The following CDH24 variants were observed in gnomAD, a reference collection of about 807,000 sequenced individuals.
The protein encoded by CDH24 is cadherin-24.
CDH24 carries 61 observed loss-of-function variants against 71.2 expected under a neutral mutation model. The observed-to-expected ratio is 0.86, with a 90% CI of 0.70 to 1.06. The LOEUF is 1.06. Among genes scored for constraint, CDH24 ranks in the 50% least tolerant of loss-of-function variants. CDH24 has a pLI of 0.00. For missense variants in CDH24, 961 were observed against 1,083.7 expected (o/e 0.89, Z 1.59); for synonymous variants, 440 against 470.2 (o/e 0.94, Z 0.83).
rs754880907 is a variant in CDH24, at chr14:23,049,165, C to G, written c.1708G>C (p.Ala570Pro). Residue 570 changes from alanine to proline, a missense_variant, in exon 11 of 13, where the codon GCC (alanine) becomes CCC (proline). Physicochemically the swap from Ala to Pro is conservative, Grantham distance 27. Transcript: ENST00000487137. ...CGGCACACACTAACAGTCACTGTGG[C>G]AGTGCTGCTCAGCGCCGGCTGCCCC... ...DWGQPALSST[A>P]TVTVSVCRCQ... 1 of 1,585,436 alleles carries G rather than the reference C, an allele frequency of 6.3e-7. No individual in the cohort carries two copies. The highest frequency in any genetic ancestry group is 8.6e-7 in the Non-Finnish European group (1 of 1,165,732).
Position 23,054,467 on chromosome 14 carries a change from G to A in CDH24, c.784+39C>T, listed in dbSNP as rs777254898. 1 of 1,595,962 alleles carries A rather than the reference G, an allele frequency of 6.3e-7. No homozygotes were observed. Among genetic ancestry groups the A allele is most frequent in the Non-Finnish European group, 8.6e-7 (1 of 1,169,230 alleles). ...TCTCCAGACACTGTAGGGGTGGGGTGATCAAAGGATGGCTCAGGTGGCAGC... is the reference window on the plus strand; with the variant it reads ...TCTCCAGACACTGTAGGGGTGGGGTAATCAAAGGATGGCTCAGGTGGCAGC... On this transcript the variant is annotated intron_variant, in intron 5 of 12. Coordinates refer to ENST00000487137, the MANE Select transcript of CDH24 (RefSeq NM_144985.4). This position sits in a 1 kb window ranked among gnomAD's most constrained non-coding sequence, Gnocchi z 5.2.
In CDH24 at chr14:23,054,618, C is replaced by G. The variant is rs1437296092; in HGVS notation, c.672G>C (p.Leu224Phe). ...CCATGTCCTTGGCCTGGATCACCAC[C>G]AAGAACTCCTCCTGTGTCTCCCGGT... is the stretch of plus-strand genomic sequence containing the variant. ...NMDRETQEEFLVVIQAKDMGG... is the reference protein window; with the variant it reads ...NMDRETQEEFFVVIQAKDMGG... The change falls in exon 5 of 13, where the codon TTG (leucine) becomes TTC (phenylalanine). Residue 224 changes from leucine (L) to phenylalanine (F), a missense_variant. Transcript: ENST00000487137. The surrounding 1 kb of genome is among the most constrained non-coding windows in gnomAD (Gnocchi z 5.2). 3 of 1,614,010 alleles carry G rather than the reference C, an allele frequency of 1.9e-6. No individual in the cohort carries two copies. The highest frequency in any genetic ancestry group is 2.2e-5 in the East Asian group (1 of 44,894).
rs1594725812 is a variant in CDH24, at chr14:23,053,478, A to C, written c.1226+18T>G. 1 of 1,546,986 alleles carries C rather than the reference A, an allele frequency of 6.5e-7. No homozygotes were observed. Among genetic ancestry groups the C allele is most frequent in the Non-Finnish European group, 8.8e-7 (1 of 1,139,784 alleles). On this transcript the variant is annotated intron_variant, in intron 7 of 12. Transcript: ENST00000487137. ...AGCCTGCCATCTGGCTCCCCAGCCC[A>C]CATCCCAGCTCACCTACCTGATTGG...
intron 8 of CDH24, 182 bp from the exon 9 acceptor site, chr14:23,050,125 G>A: frequency 1.3e-6 from 1 of 781,028 alleles, no homozygotes; most frequent in Non-Finnish European, 2.0e-6. Flanking sequence ...AATACCAAGT[G>A]CATACAATAT....
Position 23,052,548 on chromosome 14 carries a change from T to TATCCA in CDH24, c.1287_1288insTGGAT (p.Thr430TrpfsTer69). 1 of 1,613,986 alleles carries TATCCA rather than the reference T, an allele frequency of 6.2e-7. No individual in the cohort carries two copies. On this transcript the variant is annotated frameshift_variant, in exon 8 of 13. Coordinates refer to ENST00000487137, the MANE Select transcript of CDH24 (RefSeq NM_144985.4). LOFTEE classifies it high-confidence loss of function. ...TCCAGGGGTGCTGCTGTATGGATGG[T>TATCCA]GCCTTCCTCGGGCTGGATAGAGAAG...
chr14:23,048,170 A>G lies in CDH24; in HGVS notation c.2156T>C (p.Val719Ala), dbSNP rs1486244454. Residue 719 changes from valine to alanine, a missense_variant, in exon 12 of 13, where the codon GTA (valine) becomes GCA (alanine). Physicochemically the swap from Val to Ala is moderately conservative, Grantham distance 64. Around this residue, in one of 2 missense-constraint regions of CDH24, gnomAD observed 290 missense variants for 272.8 expected, o/e 1.06. Transcript: ENST00000487137. ...RLREADEDPGVPPYDSVQVYG... is the reference protein window; with the variant it reads ...RLREADEDPGAPPYDSVQVYG... ...CACCTGCACCGAGTCGTACGGGGGT[A>G]CGCCGGGGTCCTCGTCCGCCTCGCG... 2 of 1,353,050 alleles carry G rather than the reference A, an allele frequency of 1.5e-6. No individual in the cohort carries two copies. The highest frequency in any genetic ancestry group is 1.7e-5 in the South Asian group (1 of 58,570). The allele number at this position is 1,353,050 out of a possible 1,614,324, so 83.8% of individuals were successfully genotyped here. A position where few individuals can be genotyped will look rare whatever the true frequency, so the allele number is the denominator to read the frequency against.
At chr14:23,048,934 A>T in intron 11 of CDH24, 93 bp downstream of exon 11, 1 of 1,451,562 alleles carries the variant, frequency 6.9e-7, no homozygotes, top group Non-Finnish European at 9.4e-7. Context: ...TTCAAGCCCT[A>T]AGGTGGATTT....
In CDH24 at chr14:23,054,595, A is replaced by G. The variant is rs531645564; in HGVS notation, c.695T>C (p.Met232Thr). The part of the protein sequence containing the change: ...EFLVVIQAKD[M>T]GGHMGGLSGS... ...TGACAGCCCCCCCATGTGGCCGCCC[A>G]TGTCCTTGGCCTGGATCACCACCAA... The change falls in exon 5 of 13, where the codon ATG becomes ACG. Residue 232 changes from methionine (M) to threonine (T), a missense_variant. By Grantham distance (81) the Met-to-Thr change is moderately conservative. Around this residue, in one of 2 missense-constraint regions of CDH24, gnomAD observed 671 missense variants for 810.9 expected, o/e 0.83. Transcript: ENST00000487137. The surrounding 1 kb of genome is among the most constrained non-coding windows in gnomAD (Gnocchi z 5.2). 1.2e-6 allele frequency: 2 copies of G among 1,613,998 alleles called. No homozygotes were observed. Among genetic ancestry groups the G allele is most frequent in the African/African-American group, 1.3e-5 (1 of 74,988 alleles).
intron 8 of CDH24, 162 bp downstream of exon 8, chr14:23,052,311 C>T (rs2139945325): frequency 1.2e-6 from 1 of 849,272 alleles, no homozygotes; most frequent in East Asian, 2.7e-5. Flanking sequence ...CAGATCCAGG[C>T]TAGGACTTGG....
At chr14:23,056,233 A>C (rs564337620) in intron 1 of CDH24, among the ~76,000 whole-genome samples, 1 of 152,332 alleles carries the variant, frequency 6.6e-6, no homozygotes, top group Non-Finnish European at 1.5e-5. Context: ...GGATTCATGG[A>C]GGTGTGGCCT....
In CDH24 at chr14:23,048,305, G is replaced by C. The variant is rs534118854; in HGVS notation, c.2021C>G (p.Pro674Arg). The C allele has an allele frequency of 2.5e-6, 4 of 1,587,450 alleles. No homozygotes were observed. Among genetic ancestry groups the C allele is most frequent in the Non-Finnish European group, 2.6e-6 (3 of 1,168,400 alleles). The change falls in exon 12 of 13, where the codon CCG becomes CGG. Residue 674 changes from proline (P) to arginine (R), a missense_variant. Coordinates refer to ENST00000487137, the MANE Select transcript of CDH24 (RefSeq NM_144985.4). ...ALQNPDGAAP[P>R]APGPPARRDV... ...TCGGCGCGCGGGAGGGCCGGGCGCC[G>C]GGGGGGCCGCCCCGTCCGGGTTCTG...
In CDH24 at chr14:23,047,957, G is replaced by A; in HGVS notation, c.*23C>T. 1 of 1,295,300 alleles carries A rather than the reference G, an allele frequency of 7.7e-7. No individual in the cohort carries two copies. Among genetic ancestry groups the A allele is most frequent in the African/African-American group, 1.6e-5 (1 of 63,972 alleles). 80.2% of individuals were successfully genotyped at this position (1,295,300 alleles called of 1,614,324 possible). On this transcript the variant is annotated 3_prime_UTR_variant, in exon 12 of 13. Transcript: ENST00000487137. ...CTGTGCCCGCTGCCCCCCCCCCGCGGTGGGCCGGGCCAGCCCGGGCGCTCA... is the reference window on the plus strand; with the variant it reads ...CTGTGCCCGCTGCCCCCCCCCCGCGATGGGCCGGGCCAGCCCGGGCGCTCA...
rs2047046826 is a variant in CDH24, at chr14:23,047,115, C to CTCCCCTTCCTCCCTCTT, written c.*762_*778dup. On this transcript the variant is annotated 3_prime_UTR_variant, in exon 13 of 13. Transcript: ENST00000487137. ...ATTATGAAATTAGAGATGGAGGCCC[C>CTCCCCTTCCTCCCTCTT]TCCCCTTCCTCCCTCTTTCCCCTTC... 1 of 152,312 alleles carries CTCCCCTTCCTCCCTCTT rather than the reference C, an allele frequency of 6.6e-6. No homozygotes were observed. The highest frequency in any genetic ancestry group is 1.5e-5 in the Non-Finnish European group (1 of 68,062). 9.4% of individuals were successfully genotyped at this position (152,312 alleles called of 1,614,324 possible). A position where few individuals can be genotyped will look rare whatever the true frequency, so the allele number is the denominator to read the frequency against.
chr14:23,056,646 G>A (rs1057094269), intron 1 of CDH24, among the ~76,000 whole-genome samples: 2 of 152,236 alleles, frequency 1.3e-5, no homozygotes, highest in Non-Finnish European at 1.5e-5. Context: ...AGTCCTAGGG[G>A]CCAGGCTTGG....
At chr14:23,052,006 T>C in intron 8 of CDH24, 1 of 1,589,450 alleles carries the variant, frequency 6.3e-7, no homozygotes, top group Non-Finnish European at 8.6e-7. Context: ...ACAGGGCTTC[T>C]CTGGGGTGGG....
At position 23,054,637 on chromosome 14, in the gene CDH24, T is replaced by C. The variant is rs2047111434; in HGVS notation, c.653A>G (p.Glu218Gly). The C allele has an allele frequency of 6.2e-7, 1 of 1,613,860 alleles. No individual in the cohort carries two copies. The highest frequency in any genetic ancestry group is 1.3e-5 in the African/African-American group (1 of 74,844). ...VRTAIPNMDR[E>G]TQEEFLVVIQ... ...CACCACCAAGAACTCCTCCTGTGTC[T>C]CCCGGTCCATGTTGGGGATGGCTGT... is the stretch of plus-strand genomic sequence containing the variant. Residue 218 changes from glutamate to glycine, a missense_variant, in exon 5 of 13, where the codon GAG (glutamate) becomes GGG (glycine). Glu to Gly is a moderately conservative substitution (Grantham distance 98). Coordinates refer to ENST00000487137, the MANE Select transcript of CDH24 (RefSeq NM_144985.4). The surrounding 1 kb of genome is among the most constrained non-coding windows in gnomAD (Gnocchi z 5.2).
At position 23,052,641 on chromosome 14, in the gene CDH24, C is replaced by T. The variant is rs778025537; in HGVS notation, c.1227-32G>A. 3 of 1,608,770 alleles carry T rather than the reference C, an allele frequency of 1.9e-6. No homozygotes were observed. The African/African-American group carries it at 4.0e-5, about 21-fold the overall frequency. ...AAGGGAGAGACATGCTGGGGCTGATCTGGGGCGGGACCACAGCTTGTTCCA... is the reference window on the plus strand; with the variant it reads ...AAGGGAGAGACATGCTGGGGCTGATTTGGGGCGGGACCACAGCTTGTTCCA... On this transcript the variant is annotated intron_variant, in intron 7 of 12. Transcript: ENST00000487137.
In CDH24 at chr14:23,048,261, G is replaced by C. The variant is rs1452468243; in HGVS notation, c.2065C>G (p.Arg689Gly). The C allele has an allele frequency of 2.7e-6, 4 of 1,463,122 alleles. No homozygotes were observed. The highest frequency in any genetic ancestry group is 3.6e-6 in the Non-Finnish European group (4 of 1,116,372). The allele number at this position is 1,463,122 out of a possible 1,614,324, so 90.6% of individuals were successfully genotyped here. The change falls in exon 12 of 13, where the codon CGG becomes GGG. Residue 689 changes from arginine (R) to glycine (G), a missense_variant. Around this residue, in one of 2 missense-constraint regions of CDH24, gnomAD observed 290 missense variants for 272.8 expected, o/e 1.06. Transcript: ENST00000487137. The stretch of plus-strand genomic sequence containing the variant: ...GGGGGTCTGGGCTGGCGCGACACCC[G>C]GGCCCGGGGCAACACGTCTCGGCGC... Reference protein sequence around the residue: ...PARRDVLPRARVSRQPRPPGP... With the variant: ...PARRDVLPRAGVSRQPRPPGP...
At chr14:23,050,233 T>G in intron 8 of CDH24, 1 of 304,924 alleles carries the variant, frequency 3.3e-6, no homozygotes, top group Non-Finnish European at 6.2e-6. Context: ...GCAGGGCACA[T>G]GCAGCATAAA....
Sources: gnomAD v4.1 joint callset for allele counts (sites outside exome capture counted in the v4.1 genomes callset) on GRCh38, gnomAD v4.1.1 for gene constraint, gnomAD v4.1.1 regional missense constraint, Gnocchi (gnomAD v3.1) non-coding constraint, MANE v1.5 for transcripts, NCBI Gene and HGNC (gene_info 2026-07-23, HGNC 2026-07-21) for gene names.